The following TAMM41 variants were observed in gnomAD, a reference collection of about 807,000 sequenced individuals.
TAMM41 encodes phosphatidate cytidylyltransferase, mitochondrial.
In TAMM41, 36 loss-of-function variants were observed where a neutral mutation model predicts 44.1. That is an observed-to-expected ratio of 0.82 (90% CI 0.63 to 1.08). The LOEUF (loss-of-function observed/expected upper bound fraction) is 1.08. TAMM41 is among the 50% of genes least tolerant of loss of function. TAMM41 has a pLI of 0.00. For missense variants in TAMM41, 417 were observed against 404.3 expected, an observed-to-expected ratio of 1.03 and a Z score of -0.27; for synonymous variants, 164 against 153.1, an observed-to-expected ratio of 1.07 and a Z score of -0.53.
chr3:11,818,509 G>T (rs1212474525), intron 4 of TAMM41, among the ~76,000 whole-genome samples: 1 of 152,164 alleles, frequency 6.6e-6, no homozygotes, highest in Non-Finnish European at 1.5e-5. Context: ...GTACTTCATT[G>T]AGTAAGGAAT....
the TAMM41 span, among the ~76,000 whole-genome samples, chr3:11,777,001 G>A: frequency 6.6e-6 from 1 of 152,288 alleles, no homozygotes; most frequent in Non-Finnish European, 1.5e-5. Context: ...CAGGTGGAAT[G>A]GGAAGATTTT....
chr3:11,833,434 C>A (rs887916850), intron 3 of TAMM41, among the ~76,000 whole-genome samples: 2 of 152,178 alleles, frequency 1.3e-5, no homozygotes, highest in African/African-American at 4.8e-5. Flanking sequence ...GACCACAGCC[C>A]TACCTACTGT....
At chr3:11,818,830 A>G (rs994999749) in intron 4 of TAMM41, among the ~76,000 whole-genome samples, 3 of 150,426 alleles carry the variant, frequency 2.0e-5, no homozygotes, top group African/African-American at 4.9e-5. Context: ...CCCAGGAGGC[A>G]GAGCTTGCAG....
the TAMM41 span, among the ~76,000 whole-genome samples, chr3:11,750,459 C>A: frequency 6.6e-6 from 1 of 151,996 alleles, no homozygotes; most frequent in African/African-American, 2.4e-5. Context: ...CAGGCGCATA[C>A]CACCATGTGC....
chr3:11,785,138 C>T, the TAMM41 span, among the ~76,000 whole-genome samples: 1 of 152,084 alleles, frequency 6.6e-6, no homozygotes, highest in South Asian at 2.1e-4. Context: ...CTGTACTCCA[C>T]TCTCTACTGC....
At chr3:11,740,536 C>T in the TAMM41 span, among the ~76,000 whole-genome samples, 3 of 152,086 alleles carry the variant, frequency 2.0e-5, no homozygotes, top group Admixed American at 2.0e-4. Flanking sequence ...TGTGTGTGTC[C>T]TAGTCCTTTT....
chr3:11,765,474 T>C, the TAMM41 span, among the ~76,000 whole-genome samples: 1 of 152,128 alleles, frequency 6.6e-6, no homozygotes, highest in Non-Finnish European at 1.5e-5. Context: ...AGAAAACTTC[T>C]CCAAAGCCAC....
At position 11,809,509 on chromosome 3, in the gene TAMM41, A is replaced by T; in HGVS notation, c.874+8T>A. 1 of 1,612,762 alleles carries T rather than the reference A, an allele frequency of 6.2e-7. No individual in the cohort carries two copies. The highest frequency in any genetic ancestry group is 8.5e-7 in the Non-Finnish European group (1 of 1,179,744). On this transcript the variant is annotated splice_region_variant and intron_variant, in intron 6 of 7. Coordinates refer to ENST00000455809, the MANE Select transcript of TAMM41 (RefSeq NM_001284401.2). ...GGCATTTCCTCAACATCAAATTCAT[A>T]AACGTACCTAGTCGCACCACATCTC...
intron 1 of TAMM41, chr3:11,845,085 C>A: frequency 2.3e-6 from 1 of 436,654 alleles, no homozygotes; most frequent in Non-Finnish European, 4.6e-6. Flanking sequence ...TGGAAGCTGC[C>A]GTCAGATATG....
At chr3:11,842,295 G>A (rs902709787) in intron 2 of TAMM41, among the ~76,000 whole-genome samples, 2 of 151,680 alleles carry the variant, frequency 1.3e-5, no homozygotes, top group African/African-American at 4.9e-5. Context: ...TCGGGAGGCT[G>A]AGGCAGGAGA....
At chr3:11,813,885 T>C (rs1013569123) in intron 5 of TAMM41, among the ~76,000 whole-genome samples, 3 of 143,766 alleles carry the variant, frequency 2.1e-5, no homozygotes, top group Non-Finnish European at 4.4e-5. Context: ...TATATATGTA[T>C]ATATGTGTAT....
At chr3:11,744,918 T>C in the TAMM41 span, among the ~76,000 whole-genome samples, 2 of 151,094 alleles carry the variant, frequency 1.3e-5, no homozygotes, top group Admixed American at 6.6e-5. Flanking sequence ...GGCTGGAGTA[T>C]AGTGGTGCGA....
At chr3:11,755,559 G>C in the TAMM41 span, among the ~76,000 whole-genome samples, 4 of 152,126 alleles carry the variant, frequency 2.6e-5, no homozygotes, top group Non-Finnish European at 5.9e-5. Context: ...AACTGCTGCC[G>C]AGCACTCTGA....
At position 11,790,544 on chromosome 3, in the gene TAMM41, C is replaced by T; in HGVS notation, c.975G>A (p.Leu325=). ...KKSVIYSSLK[L]HKMWKGWLRK... is the part of the protein sequence containing the mutation. ...TCAGCCACCCTTTCCACATTTTGTG[C>T]AGTTTTAGTGAACTATAAATCACTG... Residue 325 remains leucine, a synonymous_variant, in exon 8 of 8, where the codon CTG becomes CTA. Transcript: ENST00000455809. 1.9e-6 allele frequency: 3 copies of T among 1,614,014 alleles called. No homozygotes were observed. The highest frequency in any genetic ancestry group is 2.5e-6 in the Non-Finnish European group (3 of 1,179,990).
the TAMM41 span, among the ~76,000 whole-genome samples, chr3:11,760,814 G>A: frequency 6.6e-6 from 1 of 151,872 alleles, no homozygotes; most frequent in Non-Finnish European, 1.5e-5. Flanking sequence ...ACCCGCTTTG[G>A]CCTCCCAAAG....
chr3:11,807,108 A>G (rs962360814), intron 7 of TAMM41: 2 of 930,114 alleles, frequency 2.2e-6, no homozygotes, highest in African/African-American at 3.6e-5. Flanking sequence ...GAGAGTGTGC[A>G]CCAAGCAAGT....
At chr3:11,838,628 G>C (rs950046134) in intron 3 of TAMM41, among the ~76,000 whole-genome samples, 1 of 152,162 alleles carries the variant, frequency 6.6e-6, no homozygotes, top group African/African-American at 2.4e-5. Context: ...GGTGTGGAGC[G>C]CCACGACTTC....
intron 7 of TAMM41, 67 bp from the exon 8 acceptor site, chr3:11,790,648 G>T: frequency 7.2e-7 from 1 of 1,388,212 alleles, no homozygotes; most frequent in South Asian, 1.2e-5. Flanking sequence ...GAGTTTCAGT[G>T]ACATTCTGAG....
chr3:11,791,927 G>A (rs1175627166), intron 7 of TAMM41, among the ~76,000 whole-genome samples: 3 of 152,040 alleles, frequency 2.0e-5, no homozygotes, highest in Non-Finnish European at 2.9e-5. Flanking sequence ...ACCCACTTCA[G>A]CATTGAGACT....
Sources: gnomAD v4.1 joint callset for allele counts (sites outside exome capture counted in the v4.1 genomes callset) on GRCh38, gnomAD v4.1.1 for gene constraint, MANE v1.5 for transcripts, NCBI Gene and HGNC (gene_info 2026-07-23, HGNC 2026-07-21) for gene names.